The following SUPT6H variants were observed in gnomAD, a reference collection of about 807,000 sequenced individuals.
The protein encoded by SUPT6H is SPT6 homolog, histone chaperone and transcription elongation factor, also known as transcription elongation factor SPT6.
A neutral mutation model predicts 222.3 loss-of-function variants in SUPT6H; 11 were observed. That is an observed-to-expected ratio of 0.05 (90% confidence interval 0.03 to 0.08). SUPT6H has a LOEUF of 0.08. SUPT6H is among the 10% of genes least tolerant of loss of function. SUPT6H has a pLI of 1.00. For missense variants in SUPT6H, 1,422 were observed against 2,216.0 expected (o/e 0.64, Z 7.19); for synonymous variants, 762 against 801.2 (o/e 0.95, Z 0.83).
intron 23 of SUPT6H, among the ~76,000 whole-genome samples, chr17:28,687,804 CA>C (rs1354574544): frequency 3.9e-5 from 6 of 152,316 alleles, no homozygotes; most frequent in Admixed American, 6.5e-5. Context: ...AGGCATGAGC[CA>C]CTGCGCCCGG....
At chr17:28,687,815 G>T (rs986967786) in intron 23 of SUPT6H, among the ~76,000 whole-genome samples, 1 of 152,116 alleles carries the variant, frequency 6.6e-6, no homozygotes, top group African/African-American at 2.4e-5. Context: ...ACTGCGCCCG[G>T]CCAACTAGTG....
chr17:28,666,395 G>T (rs543000318), intron 1 of SUPT6H, among the ~76,000 whole-genome samples: 19 of 152,274 alleles, frequency 1.2e-4, no homozygotes, highest in Admixed American at 2.6e-4. Flanking sequence ...GCTAGAGCAG[G>T]AACTATGCGC....
intron 8 of SUPT6H, 98 bp from the exon 9 acceptor site, chr17:28,677,978 T>G: frequency 7.1e-7 from 1 of 1,403,000 alleles, no homozygotes; most frequent in Non-Finnish European, 9.9e-7. Context: ...TTTTTTAGAT[T>G]TCATCTAGAA....
chr17:28,696,483 G>A (rs1377713063), intron 29 of SUPT6H, among the ~76,000 whole-genome samples: 1 of 149,328 alleles, frequency 6.7e-6, no homozygotes, highest in Non-Finnish European at 1.5e-5. Flanking sequence ...TGTAATCCCA[G>A]CTACTGAGGC....
intron 7 of SUPT6H, among the ~76,000 whole-genome samples, chr17:28,677,267 C>T (rs1201777978): frequency 1.3e-5 from 2 of 151,704 alleles, no homozygotes; most frequent in Non-Finnish European, 2.9e-5. Context: ...TCTGTAATCC[C>T]AGTTACTTGG....
At chr17:28,676,932 C>A (rs539813630) in intron 7 of SUPT6H, among the ~76,000 whole-genome samples, 2 of 151,316 alleles carry the variant, frequency 1.3e-5, no homozygotes, top group South Asian at 2.1e-4. Flanking sequence ...AAAAAAAAAA[C>A]CATGAAATGC....
chr17:28,678,468 A>T (rs1164531127), intron 9 of SUPT6H, 77 bp from the exon 10 acceptor site: 9 of 1,398,382 alleles, frequency 6.4e-6, no homozygotes, highest in Non-Finnish European at 9.1e-6. Context: ...TTTCTCCAGG[A>T]AGTCATTATC....
chr17:28,676,510 A>T (rs1198181757), intron 7 of SUPT6H, 80 bp downstream of exon 7: 5 of 1,593,578 alleles, frequency 3.1e-6, no homozygotes, highest in Non-Finnish European at 4.3e-6. Context: ...AAAGTCTGGC[A>T]TTGAGTATCC....
At chr17:28,675,906 G>C (rs780579410) in intron 6 of SUPT6H, among the ~76,000 whole-genome samples, 1 of 152,198 alleles carries the variant, frequency 6.6e-6, no homozygotes, top group Non-Finnish European at 1.5e-5. Flanking sequence ...ACATAGACCC[G>C]TCTGCTCTGT....
intron 26 of SUPT6H, 140 bp from the exon 27 acceptor site, chr17:28,690,781 A>T (rs2031604138): frequency 9.9e-7 from 1 of 1,012,678 alleles, no homozygotes; most frequent in Non-Finnish European, 1.4e-6. Context: ...CTCAAAAATA[A>T]ATAAATAAAT....
At chr17:28,681,221 G>C (rs2031084380) in intron 11 of SUPT6H, 35 bp from the exon 12 acceptor site, 1 of 1,612,094 alleles carries the variant, frequency 6.2e-7, no homozygotes, top group Admixed American at 1.7e-5. Flanking sequence ...CCTTTCTGCA[G>C]TGATGACTGA....
rs2031447839 is a variant in SUPT6H at position 28,687,542 on chromosome 17, T to C, written c.3006+71T>C. 4 of 1,504,722 alleles carry C rather than the reference T, an allele frequency of 2.7e-6. No homozygotes were observed. In the African/African-American group the frequency reaches 4.1e-5, roughly 16 times the overall value. The allele number at this position is 1,504,722 out of a possible 1,614,324, so 93.2% of individuals were successfully genotyped here. A position where few individuals can be genotyped will look rare whatever the true frequency, so the allele number is the denominator to read the frequency against. On this transcript the variant is annotated intron_variant, in intron 23 of 36. Transcript: ENST00000314616. ...TGAATATGAATATATACTTTGTCAGTATAATTTGACAGATTGGGAGGACCA... is the reference window on the plus strand; with the variant it reads ...TGAATATGAATATATACTTTGTCAGCATAATTTGACAGATTGGGAGGACCA...
Position 28,676,203 on chromosome 17 carries a change from G to C in SUPT6H, c.670G>C (p.Asp224His). Reference sequence around the variant, plus strand: ...AATCTTCGGTGTGGACTTTGACTATGATGAATTTGAGAAATACAATGAGTA... The same window carrying C: ...AATCTTCGGTGTGGACTTTGACTATCATGAATTTGAGAAATACAATGAGTA... ...QEIFGVDFDY[D>H]EFEKYNEYDE... Residue 224 changes from aspartate to histidine, a missense_variant, in exon 7 of 37, where the codon GAT becomes CAT. Around this residue, in one of 13 missense-constraint regions of SUPT6H, gnomAD observed 389 missense variants for 544.6 expected, o/e 0.71. Transcript: ENST00000314616. The C allele has an allele frequency of 1.2e-6, 2 of 1,610,754 alleles. No individual in the cohort carries two copies. The highest frequency in any genetic ancestry group is 2.7e-5 in the African/African-American group (2 of 74,768).
At chr17:28,682,662 T>C (rs1338982370) in intron 13 of SUPT6H, 65 bp from the exon 14 acceptor site, 3 of 1,575,232 alleles carry the variant, frequency 1.9e-6, no homozygotes, top group African/African-American at 1.4e-5. Flanking sequence ...AACTCCAGAT[T>C]CTGAAAGCCA....
intron 35 of SUPT6H, 59 bp from the exon 36 acceptor site, chr17:28,700,882 C>G (rs2032102081): frequency 1.3e-6 from 2 of 1,547,672 alleles, no homozygotes; most frequent in Non-Finnish European, 1.8e-6. Flanking sequence ...ACCCAGAATT[C>G]ACAGCAAGGC....
intron 33 of SUPT6H, 110 bp downstream of exon 33, chr17:28,700,003 G>T (rs2032068216): frequency 7.3e-7 from 1 of 1,376,754 alleles, no homozygotes; most frequent in Admixed American, 1.7e-5. Flanking sequence ...TGTCACTGCA[G>T]CTGTCTTACT....
chr17:28,671,122 G>A (rs546496390), intron 1 of SUPT6H: 1 of 152,268 alleles, frequency 6.6e-6, no homozygotes, highest in South Asian at 2.1e-4. Flanking sequence ...ATTTTGAGGA[G>A]AATTAGAGCC....
rs1271428647 is a variant in SUPT6H, at chr17:28,697,585, A to G, written c.4210-35A>G. 4.5e-6 allele frequency: 7 copies of G among 1,553,846 alleles called. No homozygotes were observed. The Admixed American group carries it at 5.1e-5, about 11-fold the overall frequency. ...ATTTGATCAAGAATCTCAGCTCTGG[A>G]TATGACACATGGGGCCTTTACCTTC... On this transcript the variant is annotated intron_variant, in intron 30 of 36. Transcript: ENST00000314616.
intron 28 of SUPT6H, 57 bp downstream of exon 28, chr17:28,693,893 CTCTT>C (rs761233058): frequency 5.0e-6 from 8 of 1,610,024 alleles, no homozygotes; most frequent in Non-Finnish European, 6.8e-6. Flanking sequence ...CAGATCAGGT[CTCTT>C]TAACTTTGGG....
Sources: allele counts gnomAD v4.1 joint callset (sites outside exome capture counted in the v4.1 genomes callset), GRCh38; gene constraint gnomAD v4.1.1; regional missense constraint gnomAD v4.1.1; transcripts MANE v1.5; gene names NCBI Gene and HGNC (gene_info 2026-07-23, HGNC 2026-07-21).